The following MAGI3 variants were observed in gnomAD, a reference collection of about 807,000 sequenced individuals.
MAGI3 encodes membrane-associated guanylate kinase, WW and PDZ domain-containing protein 3.
MAGI3 carries 43 observed loss-of-function variants against 121.8 expected under a neutral mutation model. That is an observed-to-expected ratio of 0.35 (90% CI 0.28 to 0.46). The LOEUF (loss-of-function observed/expected upper bound fraction) is 0.46. MAGI3 is among the 20% of genes least tolerant of loss of function. MAGI3 has a pLI of 1.00. For synonymous variants in MAGI3, 553 were observed against 639.3 expected (o/e 0.86, Z 2.04); for missense variants, 1,547 against 1,797.3 (o/e 0.86, Z 2.52).
At chr1:113,451,195 G>A (rs563453357) in intron 1 of MAGI3, among the ~76,000 whole-genome samples, 5 of 152,200 alleles carry the variant, frequency 3.3e-5, no homozygotes, top group East Asian at 3.9e-4. Context: ...TCCTTACTCC[G>A]TTTGTTATCA....
chr1:113,523,042 C>T (rs1570797595), intron 1 of MAGI3, among the ~76,000 whole-genome samples: 1 of 152,128 alleles, frequency 6.6e-6, no homozygotes, highest in Non-Finnish European at 1.5e-5. Context: ...TTCCCATGTT[C>T]TTCTCATGAT....
chr1:113,490,046 T>C (rs996708842), intron 1 of MAGI3, among the ~76,000 whole-genome samples: 5 of 152,034 alleles, frequency 3.3e-5, no homozygotes, highest in Admixed American at 6.6e-5. Context: ...AGAACCCAAG[T>C]AAAATACTTC....
chr1:113,452,114 A>G (rs373919508), intron 1 of MAGI3, among the ~76,000 whole-genome samples: 1 of 152,166 alleles, frequency 6.6e-6, no homozygotes, highest in African/African-American at 2.4e-5. Flanking sequence ...GAAGCAGGGC[A>G]AACTGTTGAT....
At chr1:113,431,610 G>A (rs1194523075) in intron 1 of MAGI3, among the ~76,000 whole-genome samples, 1 of 151,986 alleles carries the variant, frequency 6.6e-6, no homozygotes, top group African/African-American at 2.4e-5. Context: ...TTTTAAAAAA[G>A]ACAATATTTA....
intron 1 of MAGI3, among the ~76,000 whole-genome samples, chr1:113,490,874 C>T (rs572355049): frequency 6.6e-6 from 1 of 152,148 alleles, no homozygotes; most frequent in Non-Finnish European, 1.5e-5. Context: ...CAGGATCACT[C>T]AGATTCATAA....
chr1:113,495,826 A>G (rs745677930), intron 1 of MAGI3, among the ~76,000 whole-genome samples: 1 of 152,202 alleles, frequency 6.6e-6, no homozygotes. Flanking sequence ...TGTAATTACT[A>G]TAGAAAATAT....
At chr1:113,504,986 C>CTG (rs1030090361) in intron 1 of MAGI3, among the ~76,000 whole-genome samples, 2 of 152,152 alleles carry the variant, frequency 1.3e-5, no homozygotes, top group Admixed American at 1.3e-4. Context: ...GACCAAAATC[C>CTG]TGTGTGTGAG....
intron 6 of MAGI3, among the ~76,000 whole-genome samples, chr1:113,610,704 CAT>C (rs1650070351): frequency 6.6e-6 from 1 of 152,074 alleles, no homozygotes; most frequent in Admixed American, 6.6e-5. Context: ...AAAAACCTGC[CAT>C]TCGGGTGGAT....
chr1:113,492,375 A>G (rs1000927863), intron 1 of MAGI3, among the ~76,000 whole-genome samples: 1 of 152,242 alleles, frequency 6.6e-6, no homozygotes, highest in African/African-American at 2.4e-5. Flanking sequence ...ACCTCAAAAT[A>G]GTGAGAGCCA....
chr1:113,590,658 A>C lies in MAGI3; in HGVS notation c.938A>C (p.Asp313Ala), dbSNP rs1483027967. The change falls in exon 5 of 21, where the codon GAC becomes GCC. Residue 313 changes from aspartate to alanine, a missense_variant and splice_region_variant. Physicochemically the swap from Asp to Ala is moderately radical, Grantham distance 126 (BLOSUM62 -2). Transcript: ENST00000307546. The stretch of plus-strand genomic sequence containing the variant: ...GACACAGGGATGATCTACTTCATTG[A>C]GTAAGCAAATGTCTCTATCTCTTCT... ...YTDTGMIYFI[D>A]HNTKTTTWLD... The C allele has an allele frequency of 6.2e-7, 1 of 1,612,416 alleles. No homozygotes were observed. Among genetic ancestry groups the C allele is most frequent in the Non-Finnish European group, 8.5e-7 (1 of 1,179,262 alleles).
Position 113,567,380 on chromosome 1 carries a change from T to C in MAGI3, c.434-13162T>C, listed in dbSNP as rs139947977. ...GTTAATACCAGTCCTTCTCAAATTC[T>C]TCCAGTGAACGGAAGAGAAAGGGAC... On this transcript the variant is annotated intron_variant, in intron 2 of 20. Coordinates refer to ENST00000307546, the MANE Select transcript of MAGI3 (RefSeq NM_001142782.2). Among the ~76,000 whole-genome samples the C allele has an allele frequency of 5.4e-3, 819 of 152,174 alleles. 3 individuals carry two copies. The highest frequency in any genetic ancestry group is 0.023 in the South Asian group (110 of 4,824).
chr1:113,573,805 C>T (rs1647456205), intron 2 of MAGI3, among the ~76,000 whole-genome samples: 1 of 152,064 alleles, frequency 6.6e-6, no homozygotes, highest in African/African-American at 2.4e-5. Flanking sequence ...TATAGTCTCC[C>T]ACTATTATTG....
At chr1:113,465,017 A>T (rs540343875) in intron 1 of MAGI3, among the ~76,000 whole-genome samples, 36 of 152,050 alleles carry the variant, frequency 2.4e-4, no homozygotes, top group African/African-American at 8.4e-4. Flanking sequence ...CCATTTGTCT[A>T]TTTTTGCTGT....
At chr1:113,680,533 G>A (rs1571043529) in intron 19 of MAGI3, among the ~76,000 whole-genome samples, 1 of 152,042 alleles carries the variant, frequency 6.6e-6, no homozygotes, top group African/African-American at 2.4e-5. Context: ...TGAGGCGGGC[G>A]GATCACGAGG....
intron 1 of MAGI3, among the ~76,000 whole-genome samples, chr1:113,513,359 T>C (rs893869400): frequency 3.7e-4 from 56 of 152,150 alleles, no homozygotes; most frequent in East Asian, 5.8e-4. Flanking sequence ...AGGCATCACG[T>C]TACCTGACTT....
intron 1 of MAGI3, among the ~76,000 whole-genome samples, chr1:113,397,993 C>T (rs1244435381): frequency 1.3e-5 from 2 of 152,154 alleles, no homozygotes; most frequent in African/African-American, 4.8e-5. Flanking sequence ...GACTGGCTTC[C>T]AGTGAGAAGG....
At chr1:113,542,995 G>T (rs1659360888) in intron 1 of MAGI3, among the ~76,000 whole-genome samples, 1 of 151,846 alleles carries the variant, frequency 6.6e-6, no homozygotes, top group Non-Finnish European at 1.5e-5. Context: ...TACTTCAAAG[G>T]TTATCATGAG....
chr1:113,544,615 A>G (rs1013727702), intron 1 of MAGI3, among the ~76,000 whole-genome samples: 1 of 152,340 alleles, frequency 6.6e-6, no homozygotes, highest in Admixed American at 6.5e-5. Flanking sequence ...ACACAGTTAT[A>G]CAGTGCTAAG....
At chr1:113,604,390 A>G (rs1417345312) in intron 6 of MAGI3, among the ~76,000 whole-genome samples, 1 of 151,814 alleles carries the variant, frequency 6.6e-6, no homozygotes, top group African/African-American at 2.4e-5. Flanking sequence ...AATATGGTGA[A>G]ACCCCATCTC....
Sources: gnomAD v4.1 joint callset for allele counts (sites outside exome capture counted in the v4.1 genomes callset) on GRCh38, gnomAD v4.1.1 for gene constraint, MANE v1.5 for transcripts, NCBI Gene and HGNC (gene_info 2026-07-23, HGNC 2026-07-21) for gene names.